The following QPRT variants were observed in gnomAD, a reference collection of about 807,000 sequenced individuals.
The protein encoded by QPRT is quinolinate phosphoribosyltransferase.
QPRT carries 17 observed loss-of-function variants against 19.8 expected under a neutral mutation model. That is an observed-to-expected ratio of 0.86 (90% CI 0.59 to 1.29). The LOEUF is 1.29. QPRT is among the 50% of genes most tolerant of loss of function. The pLI is 0.00. For synonymous variants in QPRT, 178 were observed against 191.0 expected (o/e 0.93, Z 0.56); for missense variants, 336 against 405.1 (o/e 0.83, Z 1.46).
At chr16:29,688,125 C>T (rs1300653339) in intron 1 of QPRT, among the ~76,000 whole-genome samples, 2 of 151,246 alleles carry the variant, frequency 1.3e-5, no homozygotes, top group East Asian at 2.0e-4. Flanking sequence ...GACCTTAGAT[C>T]AGAACTGGGC....
At chr16:29,684,548 C>T (rs557978043) in intron 1 of QPRT, among the ~76,000 whole-genome samples, 2 of 152,020 alleles carry the variant, frequency 1.3e-5, no homozygotes, top group Non-Finnish European at 1.5e-5. Flanking sequence ...GGGGTTTCAC[C>T]GTTTTCACCA....
chr16:29,679,994 T>TG (rs1274806604), intron 1 of QPRT, among the ~76,000 whole-genome samples: 4 of 151,388 alleles, frequency 2.6e-5, no homozygotes, highest in East Asian at 1.9e-4. Context: ...GAGTCTCGCT[T>TG]TCCCCCAGGC....
chr16:29,687,762 T>A (rs1967204210), intron 1 of QPRT, among the ~76,000 whole-genome samples: 1 of 150,192 alleles, frequency 6.7e-6, no homozygotes, highest in Non-Finnish European at 1.5e-5. Context: ...GGCAACAAAG[T>A]GAGACTGTCT....
intron 1 of QPRT, among the ~76,000 whole-genome samples, chr16:29,692,833 C>T (rs1322373645): frequency 6.6e-6 from 1 of 152,112 alleles, no homozygotes; most frequent in Non-Finnish European, 1.5e-5. Flanking sequence ...GAGGCGGAGG[C>T]GGGCGAATCA....
chr16:29,695,184 C>T lies in QPRT; in HGVS notation c.534C>T (p.Ala178=), dbSNP rs781225478. ...TGAAGGATAACCATGTGGTGGCCGC[C>T]GGTGGCGTGGAGAAGGTGCTGGTCC... The part of the protein sequence containing the change: ...VMVKDNHVVA[A]GGVEKAVRAA... The change falls in exon 2 of 4, where the codon GCC becomes GCT. Residue 178 remains alanine (A), a synonymous_variant. Coordinates refer to ENST00000395384, the MANE Select transcript of QPRT (RefSeq NM_014298.6). 4 of 1,550,718 alleles carry T rather than the reference C, an allele frequency of 2.6e-6. No individual in the cohort carries two copies. The highest frequency in any genetic ancestry group is 2.4e-5 in the South Asian group (2 of 83,806).
At position 29,697,641 on chromosome 16, in the gene QPRT, G is replaced by A. The variant is rs1358574183; in HGVS notation, c.*230G>A. The A allele has an allele frequency of 3.6e-6, 2 of 553,762 alleles. No homozygotes were observed. The highest frequency in any genetic ancestry group is 6.4e-6 in the Non-Finnish European group (2 of 314,128). The allele number at this position is 553,762 out of a possible 1,614,324, so 34.3% of individuals were successfully genotyped here. A position where few individuals can be genotyped will look rare whatever the true frequency, so the allele number is the denominator to read the frequency against. ...GGTCTAATAAAGGATCAACCACATG[G>A]GGTTCTGCGGTGATAATGAGCACAT... On this transcript the variant is annotated 3_prime_UTR_variant, in exon 4 of 4. Transcript: ENST00000395384. This position sits in a 1 kb window ranked among gnomAD's most constrained non-coding sequence, Gnocchi z 4.4.
chr16:29,696,276 G>A (rs886307964), intron 2 of QPRT: 3 of 150,754 alleles, frequency 2.0e-5, no homozygotes, highest in East Asian at 2.0e-4. Flanking sequence ...GATTACTTAA[G>A]TCCAGGAGTC....
chr16:29,691,406 A>G (rs1967329545), intron 1 of QPRT, among the ~76,000 whole-genome samples: 1 of 139,190 alleles, frequency 7.2e-6, no homozygotes. Flanking sequence ...CAGGGTGGGC[A>G]CAGTGGCTCA....
intron 1 of QPRT, among the ~76,000 whole-genome samples, chr16:29,690,003 G>C (rs966774010): frequency 1.3e-5 from 2 of 152,110 alleles, no homozygotes; most frequent in Non-Finnish European, 2.9e-5. Context: ...TCCACAGCTC[G>C]TCTTGCTACA....
At chr16:29,694,414 C>T (rs1354351080) in intron 1 of QPRT, among the ~76,000 whole-genome samples, 3 of 152,194 alleles carry the variant, frequency 2.0e-5, no homozygotes, top group African/African-American at 4.8e-5. Flanking sequence ...CCACCGCGCC[C>T]GGCCCAGAAG....
At chr16:29,692,530 G>A (rs931852211) in intron 1 of QPRT, among the ~76,000 whole-genome samples, 12 of 150,016 alleles carry the variant, frequency 8.0e-5, no homozygotes, top group Non-Finnish European at 1.3e-4. Flanking sequence ...GCCGTGAGCC[G>A]AGATCGCGCC....
At chr16:29,692,130 C>G (rs1967359308) in intron 1 of QPRT, among the ~76,000 whole-genome samples, 1 of 152,250 alleles carries the variant, frequency 6.6e-6, no homozygotes, top group African/African-American at 2.4e-5. Flanking sequence ...TGCAGGTCTT[C>G]TCCCTGCCGA....
intron 1 of QPRT, among the ~76,000 whole-genome samples, chr16:29,687,038 G>T (rs1478640406): frequency 1.3e-5 from 2 of 152,230 alleles, no homozygotes; most frequent in African/African-American, 4.8e-5. Context: ...GCAGGACTGT[G>T]CCTTGGCCTG....
Position 29,697,267 on chromosome 16 carries a change from C to T in QPRT, c.750C>T (p.Gly250=), listed in dbSNP as rs1310882817. The change falls in exon 4 of 4, where the codon GGC becomes GGT. Residue 250 remains glycine, a synonymous_variant. Coordinates refer to ENST00000395384, the MANE Select transcript of QPRT (RefSeq NM_014298.6). This position sits in a 1 kb window ranked among gnomAD's most constrained non-coding sequence, Gnocchi z 4.4. The stretch of plus-strand genomic sequence containing the variant: ...GTGTGGCTGTGGAAGCCAGTGGGGG[C>T]ATCACCCTGGACAACCTCCCCCAGT... The part of the protein sequence containing the change: ...FPSVAVEASG[G]ITLDNLPQFC... 9.3e-6 allele frequency: 15 copies of T among 1,614,048 alleles called. No individual in the cohort carries two copies. Among genetic ancestry groups the T allele is most frequent in the Non-Finnish European group, 1.3e-5 (15 of 1,179,956 alleles).
chr16:29,681,848 G>T (rs975697253), intron 1 of QPRT, among the ~76,000 whole-genome samples: 1 of 151,560 alleles, frequency 6.6e-6, no homozygotes, highest in African/African-American at 2.4e-5. Context: ...TCAGCCTCAC[G>T]AGTAGCTGGG....
intron 1 of QPRT, among the ~76,000 whole-genome samples, chr16:29,683,495 A>G (rs540323707): frequency 6.6e-6 from 1 of 152,124 alleles, no homozygotes; most frequent in African/African-American, 2.4e-5. Flanking sequence ...AGCTAGGACT[A>G]CAGGCGTGTG....
Position 29,694,770 on chromosome 16 carries a change from C to A in QPRT, c.120C>A (p.Gly40=). 1 of 1,613,304 alleles carries A rather than the reference C, an allele frequency of 6.2e-7. No individual in the cohort carries two copies. Among genetic ancestry groups the A allele is most frequent in the East Asian group, 2.2e-5 (1 of 44,876 alleles). Residue 40 remains glycine (G), a synonymous_variant, in exon 2 of 4, where the codon GGC becomes GGA. Coordinates refer to ENST00000395384, the MANE Select transcript of QPRT (RefSeq NM_014298.6). ...ACGCAGCCTTGGTCAGCGGGGCAGG[C>A]CCCTCGCAGGCGGCGCTGTGGGCCA... ...LNYAALVSGA[G]PSQAALWAKS...
chr16:29,692,449 TG>T (rs983145561), intron 1 of QPRT, among the ~76,000 whole-genome samples: 4 of 150,576 alleles, frequency 2.7e-5, no homozygotes, highest in African/African-American at 9.8e-5. Context: ...GGCGTGGTGG[TG>T]GGCGCCTGTA....
At chr16:29,687,082 C>T (rs1475295861) in intron 1 of QPRT, among the ~76,000 whole-genome samples, 2 of 152,226 alleles carry the variant, frequency 1.3e-5, no homozygotes, top group Non-Finnish European at 2.9e-5. Context: ...CCCCAATCTC[C>T]CCCTTCAGCT....
Sources: gnomAD v4.1 joint callset for allele counts (sites outside exome capture counted in the v4.1 genomes callset) on GRCh38, gnomAD v4.1.1 for gene constraint, Gnocchi (gnomAD v3.1) non-coding constraint, MANE v1.5 for transcripts, NCBI Gene and HGNC (gene_info 2026-07-23, HGNC 2026-07-21) for gene names.